KLF8: variants seen among roughly 807,000 people sequenced by gnomAD.
The protein encoded by KLF8 is Krueppel-like factor 8.
A neutral mutation model predicts 18.2 loss-of-function variants in KLF8; 10 were observed. The ratio of observed to expected loss-of-function variants is 0.55; its 90% CI spans 0.34 to 0.93. The LOEUF (loss-of-function observed/expected upper bound fraction) is 0.93. Among genes scored for constraint, KLF8 ranks in the 40% least tolerant of loss-of-function variants. The probability of loss-of-function intolerance (pLI) is 0.02; values close to 1 mark genes in which losing one functional copy is unlikely to be tolerated. For synonymous variants in KLF8, 109 were observed against 97.3 expected (o/e 1.12, Z -0.71); for missense variants, 264 against 277.9 (o/e 0.95, Z 0.36).
intron 5 of KLF8, among the ~76,000 whole-genome samples, chrX:56,280,687 C>T (rs2067189868): frequency 8.9e-6 from 1 of 111,850 alleles, no homozygotes; most frequent in Admixed American, 9.5e-5. Flanking sequence ...GTTGCTTCGC[C>T]CCTCTTTACC....
the KLF8 span, among the ~76,000 whole-genome samples, chrX:55,976,475 C>CT: frequency 9.0e-6 from 1 of 110,652 alleles, no homozygotes; most frequent in South Asian, 3.9e-4. Flanking sequence ...TTGTGGCTTG[C>CT]TTTTTTCACT....
At chrX:55,961,597 A>C in the KLF8 span, 4 of 472,876 alleles carry the variant, frequency 8.5e-6, no homozygotes, top group African/African-American at 9.5e-5. Context: ...TGTGCATACC[A>C]TTTCTGGAAC....
the KLF8 span, among the ~76,000 whole-genome samples, chrX:55,917,860 A>G: frequency 1.8e-5 from 2 of 112,063 alleles, no homozygotes; most frequent in East Asian, 5.6e-4. Context: ...ATGAAGAAAT[A>G]TAGAATTAGA....
the KLF8 span, among the ~76,000 whole-genome samples, chrX:56,181,135 T>C: frequency 1.8e-5 from 2 of 111,827 alleles, no homozygotes; most frequent in South Asian, 3.8e-4. Flanking sequence ...TCTTCATGAA[T>C]CTTGGTGCCT....
intron 1 of KLF8, among the ~76,000 whole-genome samples, chrX:56,241,230 T>C (rs2066540202): frequency 8.9e-6 from 1 of 111,754 alleles, no homozygotes; most frequent in South Asian, 3.8e-4. Flanking sequence ...TGCAATGGCA[T>C]GATCTCAGTT....
the KLF8 span, among the ~76,000 whole-genome samples, chrX:56,096,338 G>A: frequency 9.0e-6 from 1 of 111,063 alleles, no homozygotes; most frequent in Non-Finnish European, 1.9e-5. Flanking sequence ...TACCTATTGG[G>A]TAATATGTAC....
At chrX:55,990,311 C>A in the KLF8 span, among the ~76,000 whole-genome samples, 12 of 112,033 alleles carry the variant, frequency 1.1e-4, no homozygotes, top group African/African-American at 3.9e-4. Context: ...AATTTTAGAT[C>A]TTTCCTGCTT....
the KLF8 span, among the ~76,000 whole-genome samples, chrX:56,037,394 T>C: frequency 8.9e-6 from 1 of 111,789 alleles, no homozygotes; most frequent in Non-Finnish European, 1.9e-5. Context: ...TGTCCTTGTC[T>C]GGTTTTGATA....
chrX:56,140,816 A>AAAAAG, the KLF8 span, among the ~76,000 whole-genome samples: 1 of 104,459 alleles, frequency 9.6e-6, no homozygotes, highest in African/African-American at 3.8e-5. Context: ...AAAAAAAAAA[A>AAAAAG]AAAGAAATGC....
the KLF8 span, among the ~76,000 whole-genome samples, chrX:56,037,350 G>A: frequency 2.7e-5 from 3 of 110,065 alleles, no homozygotes; most frequent in Non-Finnish European, 5.7e-5. Context: ...ATCTGTGTTC[G>A]TCAGGAAGAT....
At chrX:56,238,332 G>A (rs1173072290) in intron 1 of KLF8, among the ~76,000 whole-genome samples, 5 of 110,931 alleles carry the variant, frequency 4.5e-5, no homozygotes, top group African/African-American at 9.8e-5. Flanking sequence ...AAAATTAGCC[G>A]GGTGTGGTGG....
At chrX:56,169,101 G>A in the KLF8 span, among the ~76,000 whole-genome samples, 2 of 111,261 alleles carry the variant, frequency 1.8e-5, no homozygotes, top group Non-Finnish European at 3.8e-5. Flanking sequence ...TGCCAGAAGG[G>A]AAACTGCTGC....
chrX:56,107,131 G>T, the KLF8 span, among the ~76,000 whole-genome samples: 1 of 111,390 alleles, frequency 9.0e-6, no homozygotes, highest in African/African-American at 3.3e-5. Flanking sequence ...GGTGTCTTTC[G>T]GCTCCTACTG....
the KLF8 span, among the ~76,000 whole-genome samples, chrX:56,058,334 A>G: frequency 4.5e-4 from 33 of 72,799 alleles, no homozygotes; most frequent in Non-Finnish European, 7.5e-4. Context: ...TGAGTTTTAT[A>G]TGTTTGTTTT....
the KLF8 span, among the ~76,000 whole-genome samples, chrX:56,162,289 T>G: frequency 8.9e-6 from 1 of 112,160 alleles, no homozygotes; most frequent in East Asian, 2.8e-4. Context: ...CTCTACTGTC[T>G]TCAAAGCTGT....
the KLF8 span, among the ~76,000 whole-genome samples, chrX:55,920,032 AC>A: frequency 8.9e-6 from 1 of 112,035 alleles, no homozygotes; most frequent in Non-Finnish European, 1.9e-5. Flanking sequence ...TGCTACCTCC[AC>A]CAGAGCAGAT....
chrX:55,956,752 A>T, the KLF8 span, among the ~76,000 whole-genome samples: 1 of 111,760 alleles, frequency 8.9e-6, no homozygotes, highest in East Asian at 2.8e-4. Flanking sequence ...TGTATTTCAC[A>T]TTTTGTTGCT....
chrX:56,049,998 G>A, the KLF8 span, among the ~76,000 whole-genome samples: 4 of 111,507 alleles, frequency 3.6e-5, no homozygotes, highest in African/African-American at 1.3e-4. Flanking sequence ...AGTCTTGGCA[G>A]GGTGTATGTG....
At chrX:56,072,101 T>C in the KLF8 span, among the ~76,000 whole-genome samples, 1 of 111,781 alleles carries the variant, frequency 8.9e-6, no homozygotes, top group Non-Finnish European at 1.9e-5. Flanking sequence ...TCACTAATTC[T>C]CTTTATTCTT....
Sources: allele counts gnomAD v4.1 joint callset (sites outside exome capture counted in the v4.1 genomes callset), GRCh38; gene constraint gnomAD v4.1.1; transcripts MANE v1.5; gene names NCBI Gene and HGNC (gene_info 2026-07-23, HGNC 2026-07-21).